Variants in RPS6KC1 observed in about 807,000 individuals in gnomAD.
The protein encoded by RPS6KC1 is inactive ribosomal protein S6 kinase delta-1.
Under a neutral mutation model 103.8 loss-of-function variants are expected in RPS6KC1, and 54 were observed. The observed-to-expected ratio is 0.52, with a 90% CI of 0.42 to 0.65. RPS6KC1 has a LOEUF of 0.65. RPS6KC1 is among the 30% of genes least tolerant of loss of function. The pLI, the probability that RPS6KC1 is intolerant of heterozygous loss-of-function variation, is 0.00. For synonymous variants in RPS6KC1, 439 were observed against 438.7 expected, an observed-to-expected ratio of 1.00 and a Z score of -0.01; for missense variants, 1,151 against 1,253.8, an observed-to-expected ratio of 0.92 and a Z score of 1.24.
chr1:213,231,308 C>T (rs1237114476), intron 9 of RPS6KC1, among the ~76,000 whole-genome samples: 1 of 152,078 alleles, frequency 6.6e-6, no homozygotes, highest in Non-Finnish European at 1.5e-5. Flanking sequence ...ATTCCTGGTC[C>T]TCTATTTGAT....
At chr1:213,102,911 C>T (rs2082137950) in intron 3 of RPS6KC1, among the ~76,000 whole-genome samples, 1 of 152,046 alleles carries the variant, frequency 6.6e-6, no homozygotes, top group Non-Finnish European at 1.5e-5. Flanking sequence ...GTTAAGATTT[C>T]CTGTTATAGG....
chr1:213,268,402 G>A (rs1267392776), intron 14 of RPS6KC1, among the ~76,000 whole-genome samples: 1 of 151,798 alleles, frequency 6.6e-6, no homozygotes, highest in Non-Finnish European at 1.5e-5. Context: ...TAGCAGAACT[G>A]CCTTACAAGA....
intron 8 of RPS6KC1, among the ~76,000 whole-genome samples, chr1:213,222,539 T>G (rs930982205): frequency 2.0e-5 from 3 of 152,196 alleles, no homozygotes; most frequent in Non-Finnish European, 4.4e-5. Flanking sequence ...CATCTTTTGC[T>G]TTTGGAGTTG....
chr1:213,375,257 A>G, the RPS6KC1 span, among the ~76,000 whole-genome samples: 1 of 152,140 alleles, frequency 6.6e-6, no homozygotes, highest in African/African-American at 2.4e-5. Flanking sequence ...ATATACACAC[A>G]TACACACATA....
At chr1:213,603,204 G>T in the RPS6KC1 span, among the ~76,000 whole-genome samples, 2 of 152,256 alleles carry the variant, frequency 1.3e-5, no homozygotes, top group African/African-American at 2.4e-5. Flanking sequence ...TGAAGACAGA[G>T]TCAGGGTTCA....
the RPS6KC1 span, among the ~76,000 whole-genome samples, chr1:213,516,288 G>A: frequency 1.9e-3 from 282 of 152,230 alleles, 3 homozygotes; most frequent in African/African-American, 6.3e-3. Flanking sequence ...TGGTGAGAGA[G>A]GGCATCCCTG....
chr1:213,168,034 C>A, intron 7 of RPS6KC1, 61 bp downstream of exon 7: 1 of 989,578 alleles, frequency 1.0e-6, no homozygotes, highest in African/African-American at 1.6e-5. Context: ...GGTCTCTCTG[C>A]TTTATTTCTA....
At chr1:213,609,540 C>A in the RPS6KC1 span, among the ~76,000 whole-genome samples, 1 of 152,084 alleles carries the variant, frequency 6.6e-6, no homozygotes, top group African/African-American at 2.4e-5. Context: ...AAAGAGATGG[C>A]TGGAAAGAGG....
chr1:213,532,393 G>C, the RPS6KC1 span, among the ~76,000 whole-genome samples: 1 of 152,050 alleles, frequency 6.6e-6, no homozygotes, highest in Non-Finnish European at 1.5e-5. Context: ...GGCTGGGTTT[G>C]TTTTTCTGTG....
the RPS6KC1 span, among the ~76,000 whole-genome samples, chr1:213,464,619 T>C: frequency 6.6e-6 from 1 of 152,194 alleles, no homozygotes; most frequent in African/African-American, 2.4e-5. Context: ...TATTTATTTT[T>C]CCTTTTCTAG....
chr1:213,153,494 C>G (rs1315510931), intron 6 of RPS6KC1, among the ~76,000 whole-genome samples: 1 of 152,114 alleles, frequency 6.6e-6, no homozygotes, highest in Admixed American at 6.5e-5. Flanking sequence ...AACTTTGTCC[C>G]CCAGCTTTTA....
At chr1:213,071,633 T>C (rs2078893431) in intron 2 of RPS6KC1, among the ~76,000 whole-genome samples, 1 of 152,188 alleles carries the variant, frequency 6.6e-6, no homozygotes, top group Non-Finnish European at 1.5e-5. Context: ...CAGTATCACT[T>C]AAGGGCCCCT....
chr1:213,776,269 G>C, the RPS6KC1 span, among the ~76,000 whole-genome samples: 1 of 152,074 alleles, frequency 6.6e-6, no homozygotes, highest in African/African-American at 2.4e-5. Flanking sequence ...CAGATCTGTC[G>C]GAGGAATCAC....
chr1:213,612,547 G>T, the RPS6KC1 span, among the ~76,000 whole-genome samples: 1 of 152,156 alleles, frequency 6.6e-6, no homozygotes, highest in Admixed American at 6.5e-5. Flanking sequence ...TTACATAAAA[G>T]GTAATTGAGA....
chr1:213,538,031 G>A, the RPS6KC1 span, among the ~76,000 whole-genome samples: 1 of 152,176 alleles, frequency 6.6e-6, no homozygotes, highest in Non-Finnish European at 1.5e-5. Flanking sequence ...AGGGGGAAGA[G>A]AGCATGGTCC....
chr1:213,136,049 G>C (rs1485387509), intron 6 of RPS6KC1, among the ~76,000 whole-genome samples: 3 of 152,186 alleles, frequency 2.0e-5, no homozygotes, highest in African/African-American at 7.2e-5. Flanking sequence ...CCACTTAAAT[G>C]ATTACATATA....
At chr1:213,535,033 T>C in the RPS6KC1 span, among the ~76,000 whole-genome samples, 158 of 152,330 alleles carry the variant, frequency 1.0e-3, 1 homozygote, top group African/African-American at 3.6e-3. Context: ...CACTGCAAAC[T>C]ACCTAGTGGC....
At chr1:213,653,464 A>C in the RPS6KC1 span, among the ~76,000 whole-genome samples, 8,406 of 152,202 alleles carry the variant, frequency 0.055, 323 homozygotes, top group East Asian at 0.16. Context: ...TGTCTCAAAA[A>C]AAAAAAATTA....
At chr1:213,770,895 G>A in the RPS6KC1 span, among the ~76,000 whole-genome samples, 6 of 152,104 alleles carry the variant, frequency 3.9e-5, no homozygotes, top group African/African-American at 1.4e-4. Context: ...CTTTCACTGT[G>A]GTAAATTCTG....
Sources: gnomAD v4.1 joint callset for allele counts (sites outside exome capture counted in the v4.1 genomes callset) on GRCh38, gnomAD v4.1.1 for gene constraint, MANE v1.5 for transcripts, NCBI Gene and HGNC (gene_info 2026-07-23, HGNC 2026-07-21) for gene names.